The following R3HDM2 variants were observed in gnomAD, a reference collection of about 807,000 sequenced individuals.
R3HDM2 encodes R3H domain-containing protein 2.
In R3HDM2, 38 loss-of-function variants were observed where a neutral mutation model predicts 124.5. The observed-to-expected ratio is 0.31, with a 90% CI of 0.24 to 0.40. The LOEUF is 0.40. R3HDM2 is among the 10% of genes least tolerant of loss of function. R3HDM2 has a pLI of 1.00. For synonymous variants in R3HDM2, 391 were observed against 448.0 expected, an observed-to-expected ratio of 0.87 and a Z score of 1.61; for missense variants, 869 against 1,236.9, an observed-to-expected ratio of 0.70 and a Z score of 4.46.
At chr12:57,268,564 C>A in intron 17 of R3HDM2, 107 bp from the exon 18 acceptor site, 1 of 1,152,528 alleles carries the variant, frequency 8.7e-7, no homozygotes, top group Non-Finnish European at 1.2e-6. Context: ...CCTTCCCTAC[C>A]TTAGATCCTC....
chr12:57,307,046 G>T (rs1167450333), intron 3 of R3HDM2, among the ~76,000 whole-genome samples: 1 of 152,124 alleles, frequency 6.6e-6, no homozygotes. Context: ...CCTAAATTCA[G>T]TATGTGTTGA....
At chr12:57,316,751 ATTT>A (rs778925176) in intron 2 of R3HDM2, among the ~76,000 whole-genome samples, 7 of 132,638 alleles carry the variant, frequency 5.3e-5, no homozygotes, top group Admixed American at 1.5e-4. Context: ...ACGCCCAGCT[ATTT>A]TTTTTTTTTT....
intron 21 of R3HDM2, 127 bp from the exon 22 acceptor site, chr12:57,256,638 C>T: frequency 1.5e-6 from 1 of 657,050 alleles, no homozygotes. Flanking sequence ...TGGAAATGCC[C>T]ATGCGACTGG....
At chr12:57,255,699 G>C (rs2136921954) in intron 23 of R3HDM2, among the ~76,000 whole-genome samples, 1 of 152,304 alleles carries the variant, frequency 6.6e-6, no homozygotes, top group South Asian at 2.1e-4. Flanking sequence ...ACCAAAGGTA[G>C]ATGTCGTAGA....
intron 2 of R3HDM2, among the ~76,000 whole-genome samples, chr12:57,321,406 T>C (rs541419626): frequency 1.4e-4 from 22 of 152,226 alleles, no homozygotes; most frequent in Non-Finnish European, 1.9e-4. Context: ...ATCCTAGCAC[T>C]TTGGGAGGCC....
chr12:57,306,398 T>A (rs1391382097), intron 3 of R3HDM2, among the ~76,000 whole-genome samples: 2 of 122,760 alleles, frequency 1.6e-5, no homozygotes, highest in Non-Finnish European at 3.3e-5. Context: ...AACTAAGAGG[T>A]CTTACCAAGT....
chr12:57,259,077 A>G lies in R3HDM2; in HGVS notation c.2132-18T>C. 1 of 1,603,102 alleles carries G rather than the reference A, an allele frequency of 6.2e-7. No homozygotes were observed. The highest frequency in any genetic ancestry group is 8.5e-7 in the Non-Finnish European group (1 of 1,175,884). On this transcript the variant is annotated intron_variant, in intron 19 of 23. Transcript: ENST00000402412. ...TGACACTCCTGAAGGGCAGGAAGAA[A>G]GCAGTTGGTTACAAATTCCAACTGT... is the stretch of plus-strand genomic sequence containing the variant.
chr12:57,290,480 C>T (rs2048352595), intron 11 of R3HDM2, among the ~76,000 whole-genome samples: 1 of 152,174 alleles, frequency 6.6e-6, no homozygotes, highest in Non-Finnish European at 1.5e-5. Context: ...AGCCTTAGTT[C>T]CTCTTTTATA....
At chr12:57,390,630 G>A (rs766750163) in intron 2 of R3HDM2, among the ~76,000 whole-genome samples, 4 of 152,144 alleles carry the variant, frequency 2.6e-5, no homozygotes, top group Middle Eastern at 6.8e-3. Flanking sequence ...CCAGGAGTTC[G>A]AGGCTGCAGT....
intron 2 of R3HDM2, among the ~76,000 whole-genome samples, chr12:57,394,157 T>G (rs2067135343): frequency 6.6e-6 from 1 of 151,134 alleles, no homozygotes; most frequent in Admixed American, 6.6e-5. Flanking sequence ...ATTAGCCAGG[T>G]GTGGTGGCAT....
chr12:57,298,029 G>T, intron 7 of R3HDM2, 61 bp downstream of exon 7: 1 of 1,217,634 alleles, frequency 8.2e-7, no homozygotes, highest in Non-Finnish European at 1.2e-6. Context: ...GAAGCCGTTT[G>T]GCCTCTTGGA....
intron 2 of R3HDM2, among the ~76,000 whole-genome samples, chr12:57,316,441 T>C (rs1159553017): frequency 2.0e-5 from 3 of 152,132 alleles, no homozygotes; most frequent in African/African-American, 7.2e-5. Flanking sequence ...TCCTATTTTA[T>C]TTAAAATTTT....
intron 11 of R3HDM2, 24 bp from the exon 12 acceptor site, chr12:57,289,064 A>C: frequency 6.5e-7 from 1 of 1,535,066 alleles, no homozygotes; most frequent in South Asian, 1.2e-5. Flanking sequence ...AGAAAACGGA[A>C]AATAACTTAT....
intron 2 of R3HDM2, among the ~76,000 whole-genome samples, chr12:57,342,046 TC>T (rs2059619196): frequency 6.6e-6 from 1 of 152,162 alleles, no homozygotes; most frequent in South Asian, 2.1e-4. Flanking sequence ...TTCTCTAATT[TC>T]CCTAGTGTGT....
chr12:57,350,670 A>G (rs2060588261), intron 2 of R3HDM2, among the ~76,000 whole-genome samples: 1 of 152,152 alleles, frequency 6.6e-6, no homozygotes, highest in African/African-American at 2.4e-5. Context: ...ACTACATCAA[A>G]TGTCTAAAGA....
intron 17 of R3HDM2, 25 bp downstream of exon 17, chr12:57,268,897 C>G: frequency 6.2e-7 from 1 of 1,609,074 alleles, no homozygotes; most frequent in Non-Finnish European, 8.5e-7. Flanking sequence ...CTGGGGTGAT[C>G]CTTCCCAATG....
chr12:57,352,490 C>A (rs1008216577), intron 2 of R3HDM2, among the ~76,000 whole-genome samples: 1 of 147,114 alleles, frequency 6.8e-6, no homozygotes, highest in Non-Finnish European at 1.5e-5. Context: ...ACTAGGCAAA[C>A]GCTTTTTTTT....
intron 2 of R3HDM2, among the ~76,000 whole-genome samples, chr12:57,334,600 A>T (rs1245474863): frequency 6.6e-6 from 1 of 152,200 alleles, no homozygotes; most frequent in Non-Finnish European, 1.5e-5. Context: ...TGGGGCAAGG[A>T]GTGAATAGCA....
intron 2 of R3HDM2, among the ~76,000 whole-genome samples, chr12:57,379,974 T>C (rs2064616519): frequency 1.3e-5 from 2 of 152,140 alleles, no homozygotes; most frequent in African/African-American, 4.8e-5. Flanking sequence ...CCTGTCTACA[T>C]AGGCATACTA....
Sources: allele counts gnomAD v4.1 joint callset (sites outside exome capture counted in the v4.1 genomes callset), GRCh38; gene constraint gnomAD v4.1.1; transcripts MANE v1.5; gene names NCBI Gene and HGNC (gene_info 2026-07-23, HGNC 2026-07-21).